Variants in PRXL2B observed in about 807,000 individuals in gnomAD.
The protein encoded by PRXL2B is peroxiredoxin like 2B.
A neutral mutation model predicts 24.4 loss-of-function variants in PRXL2B; 26 were observed. The observed-to-expected ratio is 1.07, with a 90% CI of 0.78 to 1.48. PRXL2B has a LOEUF of 1.48. Among genes scored for constraint, PRXL2B ranks in the 40% most tolerant of loss-of-function variants. The probability of loss-of-function intolerance (pLI) is 0.00; values close to 1 mark genes in which losing one functional copy is unlikely to be tolerated. For missense variants in PRXL2B, 269 were observed against 264.8 expected (o/e 1.02, Z -0.11); for synonymous variants, 115 against 118.9 (o/e 0.97, Z 0.21).
At chr1:2,589,388 T>C in intron 6 of PRXL2B, 22 bp from the exon 7 acceptor site, 1 of 1,612,592 alleles carries the variant, frequency 6.2e-7, no homozygotes, top group Non-Finnish European at 8.5e-7. Flanking sequence ...AGCGGCCCCA[T>C]GGGACCCTGC....
chr1:2,590,272 A>G lies in PRXL2B; in HGVS notation c.*845A>G, dbSNP rs1005753403. 3 of 152,284 alleles carry G rather than the reference A, an allele frequency of 2.0e-5. No homozygotes were observed. The highest frequency in any genetic ancestry group is 7.3e-5 in the African/African-American group (3 of 41,368). The allele number at this position is 152,284 out of a possible 1,614,324, so 9.4% of individuals were successfully genotyped here. ...CGGCTCCCTTCCTGCCCCCAATGCC[A>G]CCCTTGCAGTGGCCATTTAAAAATG... On this transcript the variant is annotated 3_prime_UTR_variant, in exon 7 of 7. Transcript: ENST00000419916.
At position 2,587,711 on chromosome 1, in the gene PRXL2B, G is replaced by C. The variant is rs1006685651; in HGVS notation, c.269-30G>C. ...GGGTTGGGGGCTGGTTCTGCGCCTG[G>C]GGCACACACATGTGGCTTCCGCTTT... On this transcript the variant is annotated intron_variant, in intron 2 of 6. Coordinates refer to ENST00000419916, the MANE Select transcript of PRXL2B (RefSeq NM_152371.5). The surrounding 1 kb of genome is among the most constrained non-coding windows in gnomAD (Gnocchi z 6.1). 1 of 1,590,392 alleles carries C rather than the reference G, an allele frequency of 6.3e-7. No homozygotes were observed. Among genetic ancestry groups the C allele is most frequent in the Non-Finnish European group, 8.6e-7 (1 of 1,168,380 alleles).
At chr1:2,589,079 C>G in intron 6 of PRXL2B, 39 bp downstream of exon 6, 1 of 1,587,564 alleles carries the variant, frequency 6.3e-7, no homozygotes, top group Non-Finnish European at 8.6e-7. Flanking sequence ...CCAGCCCACG[C>G]CCTGCCCCTA....
Position 2,587,116 on chromosome 1 carries a change from G to C in PRXL2B, c.89G>C (p.Arg30Pro), listed in dbSNP as rs938862761. The C allele has an allele frequency of 2.6e-6, 4 of 1,526,056 alleles. No homozygotes were observed. The African/African-American group carries it at 5.5e-5, about 21-fold the overall frequency. 94.5% of individuals were successfully genotyped at this position (1,526,056 alleles called of 1,614,324 possible). A position where few individuals can be genotyped will look rare whatever the true frequency, so the allele number is the denominator to read the frequency against. The change falls in exon 2 of 7, where the codon CGG becomes CCG. Residue 30 changes from arginine to proline, a missense_variant. Transcript: ENST00000419916. The surrounding 1 kb of genome is among the most constrained non-coding windows in gnomAD (Gnocchi z 6.1). ...GEAVELRSLWREHACVVAGLR... is the reference protein window; with the variant it reads ...GEAVELRSLWPEHACVVAGLR... ...GCCGTGGAGCTGCGGAGCCTGTGGC[G>C]GGAGCACGCGTGCGTGGTGGCCGGG... is the stretch of plus-strand genomic sequence containing the variant.
rs537559729 is a variant in PRXL2B at position 2,587,410 on chromosome 1, C to T, written c.268+115C>T. 4.9e-6 allele frequency: 6 copies of T among 1,221,836 alleles called. No individual in the cohort carries two copies. The Admixed American group carries it at 1.4e-4, about 29-fold the overall frequency. The allele number at this position is 1,221,836 out of a possible 1,614,324, so 75.7% of individuals were successfully genotyped here. A position where few individuals can be genotyped will look rare whatever the true frequency, so the allele number is the denominator to read the frequency against. On this transcript the variant is annotated intron_variant, in intron 2 of 6. Transcript: ENST00000419916. This position sits in a 1 kb window ranked among gnomAD's most constrained non-coding sequence, Gnocchi z 6.1. Reference sequence around the variant, plus strand: ...TGTCTGCTGGAGCGGCCTTGATATGCCCACGGGTCAGCGTCCCTCATCTCT... The same window carrying T: ...TGTCTGCTGGAGCGGCCTTGATATGTCCACGGGTCAGCGTCCCTCATCTCT...
At position 2,588,814 on chromosome 1, in the gene PRXL2B, G is replaced by C. The variant is rs965004893; in HGVS notation, c.461-108G>C. The C allele has an allele frequency of 2.7e-5, 34 of 1,258,998 alleles. 1 individual carries two copies. Among genetic ancestry groups the C allele is most frequent in the South Asian group, 9.0e-5 (7 of 77,390 alleles). 78.0% of individuals were successfully genotyped at this position (1,258,998 alleles called of 1,614,324 possible). A position where few individuals can be genotyped will look rare whatever the true frequency, so the allele number is the denominator to read the frequency against. On this transcript the variant is annotated intron_variant, in intron 5 of 6. Coordinates refer to ENST00000419916, the MANE Select transcript of PRXL2B (RefSeq NM_152371.5). ...ACAGCTCACTCATCTGGGTAGCCGG[G>C]TGGGGGATATGGCTGGCCAGGGCTG...
Position 2,589,646 on chromosome 1 carries a change from C to G in PRXL2B, c.*219C>G. ...TCCTCCACAGCCCCCGCCTTGCTCA[C>G]TGTTGGGCCCTCAGGGCGGGCAGGG... is the stretch of plus-strand genomic sequence containing the variant. On this transcript the variant is annotated 3_prime_UTR_variant, in exon 7 of 7. Coordinates refer to ENST00000419916, the MANE Select transcript of PRXL2B (RefSeq NM_152371.5). 1 of 629,524 alleles carries G rather than the reference C, an allele frequency of 1.6e-6. No individual in the cohort carries two copies. The highest frequency in any genetic ancestry group is 2.0e-5 in the South Asian group (1 of 50,718). The allele number at this position is 629,524 out of a possible 1,614,324, so 39.0% of individuals were successfully genotyped here.
At chr1:2,589,267 G>A in intron 6 of PRXL2B, 143 bp from the exon 7 acceptor site, 6 of 1,303,096 alleles carry the variant, frequency 4.6e-6, no homozygotes, top group Non-Finnish European at 6.4e-6. Flanking sequence ...ACTGTCCTCA[G>A]AGGTGGGGGC....
Position 2,591,177 on chromosome 1 carries a change from A to G in PRXL2B, c.*1750A>G. 2.3e-6 allele frequency: 2 copies of G among 884,782 alleles called. No homozygotes were observed. Among genetic ancestry groups the G allele is most frequent in the South Asian group, 1.8e-5 (1 of 54,538 alleles). The allele number at this position is 884,782 out of a possible 1,614,324, so 54.8% of individuals were successfully genotyped here. Reference sequence around the variant, plus strand: ...GTTCTCCGTGATTAAAAACCAGCCCAAAACATCAGCCTAATGGCTCATGTC... The same window carrying G: ...GTTCTCCGTGATTAAAAACCAGCCCGAAACATCAGCCTAATGGCTCATGTC... On this transcript the variant is annotated 3_prime_UTR_variant, in exon 7 of 7. Coordinates refer to ENST00000419916, the MANE Select transcript of PRXL2B (RefSeq NM_152371.5).
intron 5 of PRXL2B, 143 bp downstream of exon 5, chr1:2,588,768 G>T: frequency 1.7e-6 from 2 of 1,183,484 alleles, no homozygotes; most frequent in South Asian, 1.3e-5. Flanking sequence ...TGTCTGCTGG[G>T]CTGAGTGGGG....
rs758637222 is a variant in PRXL2B at position 2,590,960 on chromosome 1, C to T, written c.*1533C>T. 48 of 1,469,236 alleles carry T rather than the reference C, an allele frequency of 3.3e-5. No homozygotes were observed. Among genetic ancestry groups the T allele is most frequent in the East Asian group, 1.5e-4 (6 of 39,878 alleles). 91.0% of individuals were successfully genotyped at this position (1,469,236 alleles called of 1,614,324 possible). A position where few individuals can be genotyped will look rare whatever the true frequency, so the allele number is the denominator to read the frequency against. On this transcript the variant is annotated 3_prime_UTR_variant, in exon 7 of 7. Coordinates refer to ENST00000419916, the MANE Select transcript of PRXL2B (RefSeq NM_152371.5). ...CAGATGCCTCCGAGCAGCGGGTGGGCGTGGGCCGCACAGCGCGGCAGGGCC... is the reference window on the plus strand; with the variant it reads ...CAGATGCCTCCGAGCAGCGGGTGGGTGTGGGCCGCACAGCGCGGCAGGGCC...
chr1:2,586,961 G>A lies in PRXL2B; in HGVS notation c.63+13G>A, dbSNP rs375824918. 6 of 1,318,550 alleles carry A rather than the reference G, an allele frequency of 4.6e-6. No individual in the cohort carries two copies. The highest frequency in any genetic ancestry group is 2.8e-4 in the Middle Eastern group (1 of 3,594). 81.7% of individuals were successfully genotyped at this position (1,318,550 alleles called of 1,614,324 possible). A position where few individuals can be genotyped will look rare whatever the true frequency, so the allele number is the denominator to read the frequency against. On this transcript the variant is annotated intron_variant, in intron 1 of 6. Transcript: ENST00000419916. Reference sequence around the variant, plus strand: ...GGTGACCGGGGAGGTGAGGCCGGGTGGACGCAGGGCGGTGGGCGCGTCCCT... The same window carrying A: ...GGTGACCGGGGAGGTGAGGCCGGGTAGACGCAGGGCGGTGGGCGCGTCCCT...
chr1:2,587,006 C>G lies in PRXL2B; in HGVS notation c.63+58C>G. The G allele has an allele frequency of 7.0e-6, 7 of 994,512 alleles. No individual in the cohort carries two copies. The highest frequency in any genetic ancestry group is 1.2e-4 in the East Asian group (1 of 8,410). The allele number at this position is 994,512 out of a possible 1,614,324, so 61.6% of individuals were successfully genotyped here. On this transcript the variant is annotated intron_variant, in intron 1 of 6. Coordinates refer to ENST00000419916, the MANE Select transcript of PRXL2B (RefSeq NM_152371.5). This position sits in a 1 kb window ranked among gnomAD's most constrained non-coding sequence, Gnocchi z 6.1. ...GTCCCTGGCTCCTTGCCCGGGCGTC[C>G]TGGCAGCGATGGGGTGGTGGGGGCC...
At chr1:2,588,746 C>T (rs1644594925) in intron 5 of PRXL2B, 121 bp downstream of exon 5, 2 of 1,266,504 alleles carry the variant, frequency 1.6e-6, no homozygotes, top group Non-Finnish European at 2.2e-6. Flanking sequence ...CGCAATGTGG[C>T]CTGGTTCTGC....
Position 2,586,837 on chromosome 1 carries a change from GGGGAACAGGGAGTCGGGGAGCC to G in PRXL2B, c.-42_-21del, listed in dbSNP as rs951151914. Reference sequence around the variant, plus strand: ...GATCCAGGAGCGAGGAGCCGGGAGCGGGGAACAGGGAGTCGGGGAGCCGGGAACCAGGGCTGGCAGCGGCCGC... The same window carrying G: ...GATCCAGGAGCGAGGAGCCGGGAGCGGGGAACCAGGGCTGGCAGCGGCCGC... On this transcript the variant is annotated 5_prime_UTR_variant, in exon 1 of 7. Coordinates refer to ENST00000419916, the MANE Select transcript of PRXL2B (RefSeq NM_152371.5). The G allele has an allele frequency of 3.1e-6, 4 of 1,278,048 alleles. No homozygotes were observed. Among genetic ancestry groups the G allele is most frequent in the Non-Finnish European group, 3.0e-6 (3 of 1,013,034 alleles). The allele number at this position is 1,278,048 out of a possible 1,614,324, so 79.2% of individuals were successfully genotyped here. A position where few individuals can be genotyped will look rare whatever the true frequency, so the allele number is the denominator to read the frequency against.
At position 2,587,848 on chromosome 1, in the gene PRXL2B, A is replaced by G; in HGVS notation, c.320+56A>G. The G allele has an allele frequency of 6.5e-7, 1 of 1,543,434 alleles. No homozygotes were observed. Among genetic ancestry groups the G allele is most frequent in the South Asian group, 1.2e-5 (1 of 84,352 alleles). On this transcript the variant is annotated intron_variant, in intron 3 of 6. Transcript: ENST00000419916. This position sits in a 1 kb window ranked among gnomAD's most constrained non-coding sequence, Gnocchi z 6.1. ...TGGGGTGGGGGGCCCAGGGGTTCCC[A>G]CCGCTCCCTGCCACCTCCTCTCCCT...
At position 2,586,905 on chromosome 1, in the gene PRXL2B, C is replaced by T. The variant is rs375491063; in HGVS notation, c.20C>T (p.Ala7Val). 6.5e-5 allele frequency: 85 copies of T among 1,311,544 alleles called. 1 individual carries two copies. In the Middle Eastern group the frequency reaches 1.9e-3, roughly 30 times the overall value. 81.2% of individuals were successfully genotyped at this position (1,311,544 alleles called of 1,614,324 possible). The change falls in exon 1 of 7, where the codon GCT becomes GTT. Residue 7 changes from alanine (A) to valine (V), a missense_variant. By Grantham distance (64) the Ala-to-Val change is moderately conservative. Coordinates refer to ENST00000419916, the MANE Select transcript of PRXL2B (RefSeq NM_152371.5). MSTVDL[A>V]RVGACILKHA... ...GCCGCCATGAGCACGGTGGACCTTG[C>T]TCGCGTGGGCGCGTGCATCCTGAAG...
Position 2,590,553 on chromosome 1 carries a change from C to G in PRXL2B, c.*1126C>G, listed in dbSNP as rs575035664. 119 of 156,726 alleles carry G rather than the reference C, an allele frequency of 7.6e-4. 1 individual carries two copies. Among genetic ancestry groups the G allele is most frequent in the Non-Finnish European group, 1.9e-4 (14 of 72,120 alleles). 9.7% of individuals were successfully genotyped at this position (156,726 alleles called of 1,614,324 possible). Reference sequence around the variant, plus strand: ...CCCATCAGCTCCCAGCTGTCACTCTCTCCCACCCCCGGGCAGCTGTTTTGC... The same window carrying G: ...CCCATCAGCTCCCAGCTGTCACTCTGTCCCACCCCCGGGCAGCTGTTTTGC... On this transcript the variant is annotated 3_prime_UTR_variant, in exon 7 of 7. Transcript: ENST00000419916.
At position 2,591,417 on chromosome 1, in the gene PRXL2B, C is replaced by T. The variant is rs1644701948; in HGVS notation, c.*1990C>T. 1.4e-6 allele frequency: 1 copy of T among 725,994 alleles called. No individual in the cohort carries two copies. Among genetic ancestry groups the T allele is most frequent in the South Asian group, 1.6e-5 (1 of 61,464 alleles). 45.0% of individuals were successfully genotyped at this position (725,994 alleles called of 1,614,324 possible). A position where few individuals can be genotyped will look rare whatever the true frequency, so the allele number is the denominator to read the frequency against. ...GAGAATGTCCCTGACCGAAATCGGC[C>T]AGAAGCCCCTCTCAGGTTTATTCCC... On this transcript the variant is annotated 3_prime_UTR_variant, in exon 7 of 7. Transcript: ENST00000419916.
Sources: gnomAD v4.1 joint callset for allele counts on GRCh38, gnomAD v4.1.1 for gene constraint, Gnocchi (gnomAD v3.1) non-coding constraint, MANE v1.5 for transcripts, NCBI Gene and HGNC (gene_info 2026-07-23, HGNC 2026-07-21) for gene names.